Variants in CADM2 observed in about 807,000 individuals in gnomAD.
The protein encoded by CADM2 is cell adhesion molecule 2, also known as immunoglobulin superfamily member 4D.
CADM2 carries 12 observed loss-of-function variants against 49.8 expected under a neutral mutation model. The observed-to-expected ratio is 0.24, with a 90% CI of 0.15 to 0.39. CADM2 has a LOEUF of 0.39. Ranked by LOEUF, CADM2 falls within the 10% of genes least tolerant of loss-of-function variation. The probability of loss-of-function intolerance (pLI) is 1.00; values close to 1 mark genes in which losing one functional copy is unlikely to be tolerated. For synonymous variants in CADM2, 214 were observed against 175.4 expected (o/e 1.22, Z -1.74); for missense variants, 378 against 492.3 (o/e 0.77, Z 2.20).
At chr3:85,411,523 G>A (rs1027755610) in intron 1 of CADM2, among the ~76,000 whole-genome samples, 4 of 152,126 alleles carry the variant, frequency 2.6e-5, no homozygotes, top group African/African-American at 9.7e-5. Context: ...TTACCAAATC[G>A]TGGATTAGTA....
chr3:85,420,611 T>C (rs952843724), intron 1 of CADM2, among the ~76,000 whole-genome samples: 1 of 152,148 alleles, frequency 6.6e-6, no homozygotes, highest in African/African-American at 2.4e-5. Flanking sequence ...GAAATTGTAA[T>C]GAATGGACTC....
Position 85,154,030 on chromosome 3 carries a change from G to A in CADM2, c.61+194362G>A, listed in dbSNP as rs567736763. On this transcript the variant is annotated intron_variant, in intron 1 of 9. Coordinates refer to ENST00000383699, the MANE Select transcript of CADM2 (RefSeq NM_001167675.2). ...AACTGGAAACTCTAAAAAGCAGAGC[G>A]CCTCTCCTCCTCCAAAGGAACACAG... 3.8e-3 allele frequency among the ~76,000 whole-genome samples: 576 copies of A among 152,240 alleles called. 3 individuals carry two copies. Among genetic ancestry groups the A allele is most frequent in the Non-Finnish European group, 4.2e-3 (288 of 68,010 alleles).
At chr3:85,868,052 C>T (rs2075787978) in intron 3 of CADM2, among the ~76,000 whole-genome samples, 1 of 151,922 alleles carries the variant, frequency 6.6e-6, no homozygotes, top group Non-Finnish European at 1.5e-5. Context: ...TATTTTATAT[C>T]TTCTCAGTGT....
In CADM2 at chr3:85,847,398, C is replaced by T. The variant is rs143418009; in HGVS notation, c.239-35893C>T. On this transcript the variant is annotated intron_variant, in intron 3 of 9. Coordinates refer to ENST00000383699, the MANE Select transcript of CADM2 (RefSeq NM_001167675.2). ...GGGATCACATAGGAAATCAGCTACC[C>T]GGTGATTAGCACATGGCAAGATTTC... Among the ~76,000 whole-genome samples, 4 of 152,052 alleles carry T rather than the reference C, an allele frequency of 2.6e-5. 1 individual carries two copies. Among genetic ancestry groups the T allele is most frequent in the Admixed American group, 2.0e-4 (3 of 15,260 alleles).
chr3:85,251,893 G>A lies in CADM2; in HGVS notation c.61+292225G>A, dbSNP rs577760393. 2.0e-5 allele frequency among the ~76,000 whole-genome samples: 3 copies of A among 152,104 alleles called. No homozygotes were observed. The South Asian group carries it at 6.2e-4, about 31-fold the overall frequency. ...TCTTTAAACAAAGAATTCTCTAAAT[G>A]TAGAGTTGGAAGGATTATCTGGTCA... On this transcript the variant is annotated intron_variant, in intron 1 of 9. Coordinates refer to ENST00000383699, the MANE Select transcript of CADM2 (RefSeq NM_001167675.2).
At chr3:85,647,314 C>A (rs1469106527) in intron 1 of CADM2, among the ~76,000 whole-genome samples, 2 of 151,576 alleles carry the variant, frequency 1.3e-5, no homozygotes, top group East Asian at 3.9e-4. Flanking sequence ...TATAGATAAA[C>A]ACGGAGCTTT....
chr3:85,359,337 T>TAGTAGTAGTTGATAATG (rs2032136399), intron 1 of CADM2, among the ~76,000 whole-genome samples: 2 of 151,846 alleles, frequency 1.3e-5, no homozygotes, highest in African/African-American at 4.8e-5. Flanking sequence ...GACAGAGAAA[T>TAGTAGTAGTTGATAATG]TTTGAAGATT....
intron 1 of CADM2, among the ~76,000 whole-genome samples, chr3:85,578,031 T>TTCCTTCCTTCCTTC (rs1169191871): frequency 1.7e-5 from 1 of 59,424 alleles, no homozygotes. Flanking sequence ...TTCCTTCCTT[T>TTCCTTCCTTCCTTC]CTTCCCCCCC....
chr3:85,543,434 G>GTGTGTGTGTGTGTT (rs2061596656), intron 1 of CADM2, among the ~76,000 whole-genome samples: 2 of 150,552 alleles, frequency 1.3e-5, no homozygotes, highest in Non-Finnish European at 3.0e-5. Context: ...GTGTGTGTGT[G>GTGTGTGTGTGTGTT]TGTGTGTGTG....
chr3:85,928,948 A>G (rs1345118584), intron 6 of CADM2, among the ~76,000 whole-genome samples: 2 of 152,158 alleles, frequency 1.3e-5, no homozygotes, highest in African/African-American at 4.8e-5. Flanking sequence ...TAATAAATAC[A>G]ACGTTGAAAG....
At chr3:85,883,224 A>G in intron 3 of CADM2, 67 bp from the exon 4 acceptor site, 2 of 1,300,122 alleles carry the variant, frequency 1.5e-6, no homozygotes, top group Non-Finnish European at 2.1e-6. Flanking sequence ...TGTTGAAAAT[A>G]TATAGTCTAA....
intron 6 of CADM2, among the ~76,000 whole-genome samples, chr3:85,929,797 T>C (rs1332281567): frequency 6.6e-6 from 1 of 152,054 alleles, no homozygotes; most frequent in East Asian, 1.9e-4. Context: ...TAAACGCATT[T>C]ACAAGCATTA....
chr3:85,659,611 C>T (rs995336238), intron 1 of CADM2, among the ~76,000 whole-genome samples: 3 of 152,076 alleles, frequency 2.0e-5, no homozygotes, highest in Admixed American at 1.3e-4. Flanking sequence ...CCAGATAAAG[C>T]TCTCCATAAA....
At chr3:85,159,815 T>C (rs1239498612) in intron 1 of CADM2, among the ~76,000 whole-genome samples, 1 of 152,210 alleles carries the variant, frequency 6.6e-6, no homozygotes, top group Non-Finnish European at 1.5e-5. Context: ...ATTTACTGTT[T>C]GTAATATAAA....
At chr3:84,994,678 T>C (rs900192359) in intron 1 of CADM2, among the ~76,000 whole-genome samples, 2 of 152,218 alleles carry the variant, frequency 1.3e-5, no homozygotes, top group Admixed American at 6.5e-5. Flanking sequence ...AATAAACTGC[T>C]TTAAAAAGTT....
intron 1 of CADM2, among the ~76,000 whole-genome samples, chr3:85,480,381 G>A (rs1391750357): frequency 6.6e-6 from 1 of 151,806 alleles, no homozygotes; most frequent in Non-Finnish European, 1.5e-5. Context: ...GATTATGTAG[G>A]TTTATGTTCA....
intron 1 of CADM2, among the ~76,000 whole-genome samples, chr3:85,109,356 A>G (rs982453292): frequency 6.6e-6 from 1 of 151,974 alleles, no homozygotes; most frequent in African/African-American, 2.4e-5. Context: ...ATAAACATAG[A>G]GAAAGAGAGA....
chr3:86,028,960 G>A (rs1458519840), intron 8 of CADM2, among the ~76,000 whole-genome samples: 1 of 152,096 alleles, frequency 6.6e-6, no homozygotes, highest in Admixed American at 6.6e-5. Flanking sequence ...GTAATTATAA[G>A]TACAATTGGA....
intron 6 of CADM2, among the ~76,000 whole-genome samples, chr3:85,915,506 A>G (rs1396055888): frequency 1.3e-5 from 2 of 152,148 alleles, no homozygotes; most frequent in Non-Finnish European, 2.9e-5. Context: ...GGAGACATTG[A>G]GCAACAGTCA....
Sources: allele counts gnomAD v4.1 joint callset (sites outside exome capture counted in the v4.1 genomes callset), GRCh38; gene constraint gnomAD v4.1.1; transcripts MANE v1.5; gene names NCBI Gene and HGNC (gene_info 2026-07-23, HGNC 2026-07-21).